Variants in CACNA1C observed in about 807,000 individuals in gnomAD.
CACNA1C encodes the protein voltage-dependent L-type calcium channel subunit alpha-1C.
Under a neutral mutation model 229.0 loss-of-function variants are expected in CACNA1C, and 30 were observed. The observed-to-expected ratio is 0.13, with a 90% CI of 0.10 to 0.18. The LOEUF (loss-of-function observed/expected upper bound fraction) is 0.18. Ranked by LOEUF, CACNA1C falls within the 10% of genes least tolerant of loss-of-function variation. The pLI, the probability that CACNA1C is intolerant of heterozygous loss-of-function variation, is 1.00. For missense variants in CACNA1C, 1,658 were observed against 2,845.0 expected (o/e 0.58, Z 9.49); for synonymous variants, 1,114 against 1,132.5 (o/e 0.98, Z 0.33).
intron 34 of CACNA1C, among the ~76,000 whole-genome samples, chr12:2,657,654 T>C (rs537402295): frequency 1.3e-5 from 2 of 152,170 alleles, no homozygotes; most frequent in Non-Finnish European, 1.5e-5. Flanking sequence ...GCTAAACTTA[T>C]TGAGGTAAAG....
In CACNA1C at chr12:2,647,537, G is replaced by A. The variant is rs2094481974; in HGVS notation, c.3913-938G>A. ...TTCATGCCAACGGTCAGGGCTCGCC[G>A]CACCTATAGACCAACAGCTAAGCAA... On this transcript the variant is annotated intron_variant, in intron 30 of 46. Transcript: ENST00000399655. The surrounding 1 kb of genome is among the most constrained non-coding windows in gnomAD (Gnocchi z 4.2). 6.6e-6 allele frequency among the ~76,000 whole-genome samples: 1 copy of A among 152,172 alleles called. No homozygotes were observed. The highest frequency in any genetic ancestry group is 1.5e-5 in the Non-Finnish European group (1 of 68,034).
chr12:2,547,687 C>A (rs545505023), intron 9 of CACNA1C, among the ~76,000 whole-genome samples: 1 of 152,222 alleles, frequency 6.6e-6, no homozygotes, highest in Admixed American at 6.5e-5. Flanking sequence ...GAAGGGATGG[C>A]AACCTGTCCC....
intron 45 of CACNA1C, among the ~76,000 whole-genome samples, chr12:2,687,398 T>C (rs2097559260): frequency 6.6e-6 from 1 of 152,206 alleles, no homozygotes; most frequent in South Asian, 2.1e-4. Context: ...TGTCGCTCTC[T>C]CCCGGGAGCA....
chr12:2,514,110 A>G (rs1051988532), intron 9 of CACNA1C, among the ~76,000 whole-genome samples: 3 of 152,200 alleles, frequency 2.0e-5, no homozygotes, highest in African/African-American at 7.2e-5. Flanking sequence ...TTAAAGAGCC[A>G]TCCAGGGCAT....
chr12:2,082,976 G>T (rs2066246481), intron 1 of CACNA1C, among the ~76,000 whole-genome samples: 1 of 152,116 alleles, frequency 6.6e-6, no homozygotes, highest in Non-Finnish European at 1.5e-5. Flanking sequence ...TTGCCCCTTT[G>T]GTTCGTTTAA....
intron 8 of CACNA1C, among the ~76,000 whole-genome samples, chr12:2,509,415 G>A (rs1021435497): frequency 2.0e-5 from 3 of 152,148 alleles, no homozygotes; most frequent in East Asian, 1.9e-4. Flanking sequence ...ACACTGAGAC[G>A]TTGGTCCTGA....
chr12:2,617,320 C>A (rs979227041), intron 29 of CACNA1C, among the ~76,000 whole-genome samples: 5 of 152,228 alleles, frequency 3.3e-5, no homozygotes, highest in African/African-American at 1.2e-4. Context: ...CTCTTCATAG[C>A]ACAGCTCTGG....
chr12:2,109,881 C>T (rs1565748431), intron 1 of CACNA1C, among the ~76,000 whole-genome samples: 2 of 152,142 alleles, frequency 1.3e-5, no homozygotes, highest in Non-Finnish European at 2.9e-5. Context: ...AGAATAAGCC[C>T]ATTCTTTAGG....
At chr12:2,004,530 C>T in intron 1 of CACNA1C, 23 of 1,494,796 alleles carry the variant, frequency 1.5e-5, no homozygotes, top group Non-Finnish European at 2.0e-5. Flanking sequence ...CCCACGGCGA[C>T]CACACGGCCC....
intron 3 of CACNA1C, chr12:2,270,045 A>AG (rs1027294058): frequency 1.3e-5 from 2 of 152,234 alleles, no homozygotes; most frequent in African/African-American, 4.8e-5. Context: ...CTGGAGGGCC[A>AG]GGGAGCCGGG....
At chr12:2,683,487 C>T (rs1409397287) in intron 43 of CACNA1C, among the ~76,000 whole-genome samples, 1 of 152,204 alleles carries the variant, frequency 6.6e-6, no homozygotes, top group Non-Finnish European at 1.5e-5. Context: ...TCATCTGTTA[C>T]TGTATACATG....
At chr12:2,657,413 A>G (rs951771558) in intron 34 of CACNA1C, among the ~76,000 whole-genome samples, 1 of 152,102 alleles carries the variant, frequency 6.6e-6, no homozygotes, top group Non-Finnish European at 1.5e-5. Context: ...TTAATTCTGT[A>G]CATAACTAAG....
chr12:2,650,358 G>T (rs762840135), intron 31 of CACNA1C, among the ~76,000 whole-genome samples: 1 of 152,178 alleles, frequency 6.6e-6, no homozygotes, highest in Non-Finnish European at 1.5e-5. Context: ...GCCAGTGAGA[G>T]TCTGACCTAG....
intron 9 of CACNA1C, among the ~76,000 whole-genome samples, chr12:2,540,386 G>A (rs1296924611): frequency 6.6e-6 from 1 of 152,130 alleles, no homozygotes; most frequent in African/African-American, 2.4e-5. Context: ...GAGGAGACTC[G>A]GTGGGCAGGA....
intron 9 of CACNA1C, among the ~76,000 whole-genome samples, chr12:2,545,262 T>G (rs2099879091): frequency 6.9e-6 from 1 of 145,460 alleles, no homozygotes; most frequent in African/African-American, 2.5e-5. Flanking sequence ...TTATCAAGCT[T>G]TTTCACCTTT....
At chr12:2,451,328 C>T (rs1038519962) in intron 4 of CACNA1C, among the ~76,000 whole-genome samples, 7 of 152,202 alleles carry the variant, frequency 4.6e-5, no homozygotes, top group African/African-American at 1.7e-4. Context: ...TTTCTCAAGG[C>T]CTCAGTCTCC....
chr12:2,178,501 T>C (rs2154276801), intron 3 of CACNA1C, among the ~76,000 whole-genome samples: 1 of 152,308 alleles, frequency 6.6e-6, no homozygotes, highest in African/African-American at 2.4e-5. Flanking sequence ...TAAGCAGTTG[T>C]CTTGTGGTAT....
rs182239301 is a variant in CACNA1C at position 2,501,553 on chromosome 12, A to G, written c.1114-3289A>G. On this transcript the variant is annotated intron_variant, in intron 7 of 46. Coordinates refer to ENST00000399655, the MANE Select transcript of CACNA1C (RefSeq NM_000719.7). Reference sequence around the variant, plus strand: ...GTCAAAGAATGACCTCACGGTTCCCATCGTCAAATGGGACCTGCAGACCAC... The same window carrying G: ...GTCAAAGAATGACCTCACGGTTCCCGTCGTCAAATGGGACCTGCAGACCAC... Among the ~76,000 whole-genome samples the G allele has an allele frequency of 1.2e-3, 182 of 152,338 alleles. 2 individuals carry two copies. Among genetic ancestry groups the G allele is most frequent in the Admixed American group, 0.011 (175 of 15,306 alleles).
intron 27 of CACNA1C, among the ~76,000 whole-genome samples, chr12:2,610,217 C>T (rs556391914): frequency 7.9e-5 from 12 of 152,112 alleles, no homozygotes; most frequent in Admixed American, 3.3e-4. Context: ...ACATTCTTAG[C>T]GATGCCGACT....
Sources: gnomAD v4.1 joint callset for allele counts (sites outside exome capture counted in the v4.1 genomes callset) on GRCh38, gnomAD v4.1.1 for gene constraint, Gnocchi (gnomAD v3.1) non-coding constraint, MANE v1.5 for transcripts, NCBI Gene and HGNC (gene_info 2026-07-23, HGNC 2026-07-21) for gene names.